Variants in ZPBP observed in about 807,000 individuals in gnomAD.
ZPBP encodes the protein zona pellucida-binding protein 1.
In ZPBP, 26 loss-of-function variants were observed where a neutral mutation model predicts 44.8. The observed-to-expected ratio is 0.58, with a 90% CI of 0.43 to 0.81. ZPBP has a LOEUF of 0.81. Ranked by LOEUF, ZPBP falls within the 30% of genes least tolerant of loss-of-function variation. The pLI is 0.00. For synonymous variants in ZPBP, 174 were observed against 153.2 expected (o/e 1.14, Z -1.00); for missense variants, 409 against 434.0 (o/e 0.94, Z 0.51).
chr7:50,079,279 A>G (rs1300821842), intron 3 of ZPBP, among the ~76,000 whole-genome samples: 1 of 151,574 alleles, frequency 6.6e-6, no homozygotes, highest in Admixed American at 6.6e-5. Flanking sequence ...TATTCTCTTA[A>G]TGCTTTTGTT....
At chr7:50,035,265 C>A (rs1799779049) in intron 4 of ZPBP, among the ~76,000 whole-genome samples, 1 of 152,194 alleles carries the variant, frequency 6.6e-6, no homozygotes, top group Admixed American at 6.5e-5. Flanking sequence ...AGGTACAGCA[C>A]ACGCATAAAC....
chr7:49,980,764 T>TA (rs1796822213), intron 7 of ZPBP, among the ~76,000 whole-genome samples: 2 of 152,118 alleles, frequency 1.3e-5, no homozygotes, highest in Admixed American at 1.3e-4. Context: ...CACTACGCCT[T>TA]ACATCCCAAC....
rs772832173 is a variant in ZPBP at position 50,031,154 on chromosome 7, T to C, written c.644A>G (p.Glu215Gly). 1 of 1,613,802 alleles carries C rather than the reference T, an allele frequency of 6.2e-7. No individual in the cohort carries two copies. The highest frequency in any genetic ancestry group is 8.5e-7 in the Non-Finnish European group (1 of 1,179,832). The change falls in exon 5 of 8, where the codon GAA becomes GGA. Residue 215 changes from glutamate to glycine, a missense_variant. Transcript: ENST00000046087. ...TCTTTGCATTTTAACGCGATGGCAT[T>C]CAGACTTAAGTAAGGAAATTTCACA... The part of the protein sequence containing the change: ...LSCEISLLKS[E>G]CHRVKMQRAG...
chr7:50,061,597 G>C (rs1335264026), intron 3 of ZPBP, among the ~76,000 whole-genome samples: 8 of 152,028 alleles, frequency 5.3e-5, no homozygotes, highest in Middle Eastern at 3.2e-3. Flanking sequence ...GCTAATAAAG[G>C]GTTGATTTTA....
rs141074428 is a variant in ZPBP, at chr7:49,963,883, G to A, written c.961+19459C>T. Reference sequence around the variant, plus strand: ...ATACTGCCCAACTTGTTTTTGAAAGGCCAGCATAATAAAAATGAAAAAGGA... The same window carrying A: ...ATACTGCCCAACTTGTTTTTGAAAGACCAGCATAATAAAAATGAAAAAGGA... On this transcript the variant is annotated intron_variant, in intron 7 of 7. Coordinates refer to ENST00000046087, the MANE Select transcript of ZPBP (RefSeq NM_007009.3). Among the ~76,000 whole-genome samples the A allele has an allele frequency of 6.9e-3, 1,047 of 151,424 alleles. 4 individuals carry two copies. Among genetic ancestry groups the A allele is most frequent in the Non-Finnish European group, 0.011 (747 of 67,634 alleles).
At chr7:49,908,151 T>C (rs1203877729) in intron 1 of ZPBP, among the ~76,000 whole-genome samples, 1 of 152,240 alleles carries the variant, frequency 6.6e-6, no homozygotes, top group Non-Finnish European at 1.5e-5. Flanking sequence ...GGCTGGAATT[T>C]GGTTTCTTAT....
At chr7:49,966,252 G>A (rs1412583728) in intron 7 of ZPBP, among the ~76,000 whole-genome samples, 1 of 152,046 alleles carries the variant, frequency 6.6e-6, no homozygotes, top group African/African-American at 2.4e-5. Flanking sequence ...AAAGATTTAA[G>A]TAAAATTAAC....
intron 7 of ZPBP, among the ~76,000 whole-genome samples, chr7:49,981,688 T>C (rs1017316431): frequency 2.3e-5 from 1 of 43,866 alleles, no homozygotes; most frequent in African/African-American, 1.8e-4. Flanking sequence ...TATATAATAA[T>C]ATATATAATT....
rs904932122 is a variant in ZPBP, at chr7:50,057,876, T to C, written c.487+113A>G. On this transcript the variant is annotated intron_variant, in intron 4 of 7. Transcript: ENST00000046087. ...ACATAGGGAGGCAGTAATTCTTTTT[T>C]AATTAAATGAGACTAAAAATAACAA... The C allele has an allele frequency of 2.0e-5, 20 of 1,021,012 alleles. No individual in the cohort carries two copies. The South Asian group carries it at 2.9e-4, about 15-fold the overall frequency. 63.2% of individuals were successfully genotyped at this position (1,021,012 alleles called of 1,614,324 possible).
At chr7:49,993,995 T>C (rs183234003) in intron 6 of ZPBP, among the ~76,000 whole-genome samples, 3 of 152,344 alleles carry the variant, frequency 2.0e-5, no homozygotes, top group Admixed American at 6.5e-5. Context: ...TTTCTGCCCA[T>C]TCAGAGAGGT....
intron 7 of ZPBP, among the ~76,000 whole-genome samples, chr7:49,961,735 T>G (rs1795868184): frequency 1.3e-5 from 2 of 152,198 alleles, no homozygotes; most frequent in South Asian, 4.1e-4. Context: ...AATTTTTAAT[T>G]AGGATAAAAA....
chr7:49,885,314 G>A (rs538749700), intron 2 of ZPBP, among the ~76,000 whole-genome samples: 1 of 152,056 alleles, frequency 6.6e-6, no homozygotes, highest in East Asian at 1.9e-4. Flanking sequence ...ATTTCATAAC[G>A]TTAGGATAAT....
intron 7 of ZPBP, among the ~76,000 whole-genome samples, chr7:49,981,374 T>TATTTTATA (rs71018440): frequency 1.3e-3 from 5 of 3,968 alleles, no homozygotes; most frequent in South Asian, 9.1e-3. Context: ...TAATTATATA[T>TATTTTATA]ATTATATATA....
intron 2 of ZPBP, among the ~76,000 whole-genome samples, chr7:49,854,621 T>A (rs1276398528): frequency 2.6e-5 from 4 of 152,362 alleles, no homozygotes; most frequent in East Asian, 1.9e-4. Context: ...TAGCCCTTTG[T>A]CAGATAAGTA....
intron 5 of ZPBP, among the ~76,000 whole-genome samples, chr7:50,023,727 A>C (rs147056106): frequency 6.6e-6 from 1 of 152,242 alleles, no homozygotes; most frequent in Non-Finnish European, 1.5e-5. Flanking sequence ...ATAACTATGA[A>C]TAACATGCTA....
chr7:49,944,790 TTTTG>T lies in ZPBP; in HGVS notation c.962-7172_962-7169del, dbSNP rs773664759. Among the ~76,000 whole-genome samples the T allele has an allele frequency of 1.3e-4, 20 of 152,236 alleles. No homozygotes were observed. The South Asian group carries it at 2.1e-3, about 16-fold the overall frequency. On this transcript the variant is annotated intron_variant, in intron 7 of 7. Coordinates refer to ENST00000046087, the MANE Select transcript of ZPBP (RefSeq NM_007009.3). ...CTTAGTCTGGCTAAAGGTTTGTTGATTTTGTTTATCTTTTTTAAAAATAACTTTT... is the reference window on the plus strand; with the variant it reads ...CTTAGTCTGGCTAAAGGTTTGTTGATTTTATCTTTTTTAAAAATAACTTTT...
At chr7:49,905,328 A>AGCCACTGCTACAGCAGT (rs1269333598) in intron 1 of ZPBP, among the ~76,000 whole-genome samples, 1 of 152,204 alleles carries the variant, frequency 6.6e-6, no homozygotes, top group African/African-American at 2.4e-5. Flanking sequence ...CCACCACAGC[A>AGCCACTGCTACAGCAGT]GCCACTGCTA....
intron 6 of ZPBP, among the ~76,000 whole-genome samples, chr7:50,010,784 A>G (rs1488151073): frequency 6.6e-6 from 1 of 151,946 alleles, no homozygotes; most frequent in Non-Finnish European, 1.5e-5. Context: ...ACCAAGGACA[A>G]CCTATAAATT....
At chr7:50,076,577 C>G (rs1240885407) in intron 3 of ZPBP, among the ~76,000 whole-genome samples, 1 of 151,440 alleles carries the variant, frequency 6.6e-6, no homozygotes, top group Non-Finnish European at 1.5e-5. Context: ...GATCAACATA[C>G]AAAAATCAGT....
Sources: gnomAD v4.1 joint callset for allele counts (sites outside exome capture counted in the v4.1 genomes callset) on GRCh38, gnomAD v4.1.1 for gene constraint, MANE v1.5 for transcripts, NCBI Gene and HGNC (gene_info 2026-07-23, HGNC 2026-07-21) for gene names.